The following RNFT2 variants were observed in gnomAD, a reference collection of about 807,000 sequenced individuals.
The protein encoded by RNFT2 is E3 ubiquitin-protein ligase RNFT2.
RNFT2 carries 36 observed loss-of-function variants against 53.0 expected under a neutral mutation model. That is an observed-to-expected ratio of 0.68 (90% CI 0.52 to 0.90). The LOEUF (loss-of-function observed/expected upper bound fraction) is 0.90, where lower values mean the gene tolerates loss of function less well. Among genes scored for constraint, RNFT2 ranks in the 40% least tolerant of loss-of-function variants. RNFT2 has a pLI of 0.00. For missense variants in RNFT2, 514 were observed against 585.6 expected (o/e 0.88, Z 1.26); for synonymous variants, 260 against 253.2 (o/e 1.03, Z -0.26).
rs917975418 is a variant in RNFT2, at chr12:116,833,804, C to G, written c.895C>G (p.Leu299Val). 2 of 1,613,218 alleles carry G rather than the reference C, an allele frequency of 1.2e-6. No homozygotes were observed. The highest frequency in any genetic ancestry group is 1.7e-6 in the Non-Finnish European group (2 of 1,179,574). ...LAVKSKGKFY[L>V]VIEELSQLFR... ...TGTGTGGTTGCAGGGAAAGTTCTAT[C>G]TGGTCATCGAGGAGCTGAGCCAGCT... The change falls in exon 8 of 11, where the codon CTG becomes GTG. Residue 299 changes from leucine (L) to valine (V), a missense_variant. By Grantham distance (32) the Leu-to-Val change is conservative. Coordinates refer to ENST00000257575, the MANE Select transcript of RNFT2 (RefSeq NM_001382266.1).
At chr12:116,775,064 C>T (rs1310810521) in intron 6 of RNFT2, among the ~76,000 whole-genome samples, 1 of 151,892 alleles carries the variant, frequency 6.6e-6, no homozygotes, top group African/African-American at 2.4e-5. Flanking sequence ...GAGTTTGAAC[C>T]AGCCTGGCCA....
At chr12:116,749,160 A>G (rs1872047912) in intron 3 of RNFT2, among the ~76,000 whole-genome samples, 1 of 152,148 alleles carries the variant, frequency 6.6e-6, no homozygotes, top group Non-Finnish European at 1.5e-5. Context: ...GGCTGAGATC[A>G]GGGTATCAGC....
intron 7 of RNFT2, among the ~76,000 whole-genome samples, chr12:116,831,088 A>T (rs1366559318): frequency 6.6e-6 from 1 of 151,692 alleles, no homozygotes; most frequent in East Asian, 2.0e-4. Flanking sequence ...GGCCAGGTGC[A>T]ATGGCTCATG....
chr12:116,841,610 T>C (rs1348082370), intron 10 of RNFT2, among the ~76,000 whole-genome samples: 2 of 149,894 alleles, frequency 1.3e-5, no homozygotes, highest in African/African-American at 4.9e-5. Flanking sequence ...TAGCCTGGCA[T>C]GGTGGCACAC....
chr12:116,790,862 TG>T (rs1234859530), intron 7 of RNFT2, among the ~76,000 whole-genome samples: 1 of 152,176 alleles, frequency 6.6e-6, no homozygotes, highest in Non-Finnish European at 1.5e-5. Flanking sequence ...GAGGCTGAAG[TG>T]GGAGGATCAC....
rs112850108 is a variant in RNFT2, at chr12:116,762,580, AT to A, written c.628-4217del. Among the ~76,000 whole-genome samples, 912 of 137,668 alleles carry A rather than the reference AT, an allele frequency of 6.6e-3. 7 individuals are homozygous for A. The highest frequency in any genetic ancestry group is 0.013 in the African/African-American group (492 of 37,236). 90.3% of individuals were successfully genotyped at this position (137,668 alleles called of 152,430 possible). A position where few individuals can be genotyped will look rare whatever the true frequency, so the allele number is the denominator to read the frequency against. On this transcript the variant is annotated intron_variant, in intron 5 of 10. Transcript: ENST00000257575. ...AGCAAGACCCCTTTCTTCTCTACCA[AT>A]TTTTTTTTTTTTTTTTGAGATGAAG...
At chr12:116,761,175 A>G (rs1219391557) in intron 5 of RNFT2, among the ~76,000 whole-genome samples, 1 of 151,014 alleles carries the variant, frequency 6.6e-6, no homozygotes. Context: ...TTGAGACGGA[A>G]TCTTGCTCTG....
At chr12:116,749,216 C>G (rs554736611) in intron 3 of RNFT2, among the ~76,000 whole-genome samples, 9 of 151,978 alleles carry the variant, frequency 5.9e-5, no homozygotes, top group South Asian at 4.2e-4. Context: ...TGTGGACAGC[C>G]GTCTTCTCCC....
At chr12:116,829,543 G>A (rs1876526784) in intron 7 of RNFT2, among the ~76,000 whole-genome samples, 1 of 152,188 alleles carries the variant, frequency 6.6e-6, no homozygotes, top group South Asian at 2.1e-4. Flanking sequence ...GTCCTTGGTA[G>A]ATGTGGGTGT....
At chr12:116,848,620 TC>T (rs1877739108) in intron 10 of RNFT2, among the ~76,000 whole-genome samples, 1 of 152,056 alleles carries the variant, frequency 6.6e-6, no homozygotes, top group East Asian at 1.9e-4. Flanking sequence ...CTCCCGCACA[TC>T]AAACACAGTC....
At chr12:116,789,440 AGATGGATG>A (rs200853523) in intron 7 of RNFT2, among the ~76,000 whole-genome samples, 1 of 126,878 alleles carries the variant, frequency 7.9e-6, no homozygotes, top group Admixed American at 7.9e-5. Context: ...GATGGATGGT[AGATGGATG>A]GATGGATGGA....
At position 116,846,437 on chromosome 12, in the gene RNFT2, A is replaced by ATTTT. The variant is rs35922781; in HGVS notation, c.1201-2868_1201-2865dup. On this transcript the variant is annotated intron_variant, in intron 10 of 10. Coordinates refer to ENST00000257575, the MANE Select transcript of RNFT2 (RefSeq NM_001382266.1). ...CGGCACATGCCACCATGCCCAGCTA[A>ATTTT]TTTTTTTTTTTTGTAGAGACATATG... Among the ~76,000 whole-genome samples the ATTTT allele has an allele frequency of 1.2e-3, 126 of 104,380 alleles. 6 individuals are homozygous for ATTTT. The highest frequency in any genetic ancestry group is 4.4e-3 in the African/African-American group (118 of 26,690). The allele number at this position is 104,380 out of a possible 152,430, so 68.5% of individuals were successfully genotyped here.
intron 10 of RNFT2, among the ~76,000 whole-genome samples, chr12:116,839,731 T>G (rs1220698022): frequency 1.7e-5 from 2 of 118,246 alleles, no homozygotes; most frequent in African/African-American, 6.7e-5. Flanking sequence ...GGTGGGTATA[T>G]AGATGGGTGG....
chr12:116,750,404 A>T (rs1478307460), intron 4 of RNFT2, 97 bp downstream of exon 4: 4 of 1,191,312 alleles, frequency 3.4e-6, no homozygotes, highest in Non-Finnish European at 4.7e-6. Flanking sequence ...GCCCAGGGAG[A>T]GGCAGCAGAG....
chr12:116,801,911 T>A (rs966260401), intron 7 of RNFT2, among the ~76,000 whole-genome samples: 2 of 152,096 alleles, frequency 1.3e-5, no homozygotes, highest in African/African-American at 4.8e-5. Flanking sequence ...CACCTCCGCC[T>A]CCCAGGTTCA....
At chr12:116,792,593 G>A (rs1207476152) in intron 7 of RNFT2, among the ~76,000 whole-genome samples, 1 of 152,100 alleles carries the variant, frequency 6.6e-6, no homozygotes, top group Non-Finnish European at 1.5e-5. Flanking sequence ...TTTATTCGGT[G>A]AGATTAATGT....
chr12:116,847,534 T>TTG (rs1877682841), intron 10 of RNFT2, among the ~76,000 whole-genome samples: 1 of 143,318 alleles, frequency 7.0e-6, no homozygotes, highest in Non-Finnish European at 1.6e-5. Context: ...CTCTCTCTCT[T>TTG]TTTTTTTTTT....
chr12:116,832,142 A>ATATATATATATATATATATATATAT (rs1170051785), intron 7 of RNFT2, among the ~76,000 whole-genome samples: 1 of 61,792 alleles, frequency 1.6e-5, no homozygotes, highest in African/African-American at 5.7e-5. Context: ...AAAAAAAAAA[A>ATATATATATATATATATATATATAT]AAAAAAATAT....
intron 7 of RNFT2, among the ~76,000 whole-genome samples, chr12:116,819,544 C>T (rs1366112381): frequency 6.6e-6 from 1 of 151,626 alleles, no homozygotes; most frequent in Non-Finnish European, 1.5e-5. Context: ...CATCCGGGCC[C>T]GGGGGAGGAG....
Sources: allele counts gnomAD v4.1 joint callset (sites outside exome capture counted in the v4.1 genomes callset), GRCh38; gene constraint gnomAD v4.1.1; transcripts MANE v1.5; gene names NCBI Gene and HGNC (gene_info 2026-07-23, HGNC 2026-07-21).